Variants in NBAS observed in about 807,000 individuals in gnomAD.
The protein encoded by NBAS is NBAS subunit of NRZ tethering complex, also known as NAG/BC035112 fusion.
In NBAS, 219 loss-of-function variants were observed where a neutral mutation model predicts 302.5. That is an observed-to-expected ratio of 0.72 (90% CI 0.65 to 0.81). The LOEUF is 0.81. NBAS is among the 30% of genes least tolerant of loss of function. The pLI, the probability that NBAS is intolerant of heterozygous loss-of-function variation, is 0.00. For synonymous variants in NBAS, 1,118 were observed against 1,021.6 expected (o/e 1.09, Z -1.80); for missense variants, 2,932 against 2,841.6 (o/e 1.03, Z -0.72).
chr2:15,352,722 G>A (rs1487301128), intron 34 of NBAS, among the ~76,000 whole-genome samples: 1 of 152,120 alleles, frequency 6.6e-6, no homozygotes, highest in Admixed American at 6.5e-5. Context: ...CCGGTGGAAT[G>A]CCCTCACAGG....
rs575817171 is a variant in NBAS, at chr2:15,549,673, A to G, written c.379+1820T>C. On this transcript the variant is annotated intron_variant, in intron 6 of 51. Coordinates refer to ENST00000281513, the MANE Select transcript of NBAS (RefSeq NM_015909.4). ...AGCCCAGGAGGTTGAGTCTGCAGTG[A>G]GCCATGATCATGCCACTGAACTCCA... Among the ~76,000 whole-genome samples the G allele has an allele frequency of 5.7e-4, 86 of 152,102 alleles. No homozygotes were observed. In the South Asian group the frequency reaches 0.017, roughly 31 times the overall value.
intron 26 of NBAS, among the ~76,000 whole-genome samples, chr2:15,398,602 A>G (rs903141304): frequency 1.0e-5 from 1 of 97,966 alleles, no homozygotes; most frequent in African/African-American, 3.5e-5. Flanking sequence ...CAAAAATTTA[A>G]TTAGATTAAA....
the NBAS span, among the ~76,000 whole-genome samples, chr2:15,042,596 A>C: frequency 6.6e-6 from 1 of 152,224 alleles, no homozygotes; most frequent in Non-Finnish European, 1.5e-5. Context: ...ACCCAGACTG[A>C]AACTAGCATA....
rs775601668 is a variant in NBAS at position 15,415,964 on chromosome 2, C to G, written c.2764-245G>C. ...GCAACAATATCACTATGGCTCATCT[C>G]TTTACATCATAAGCAATATGGGGTC... On this transcript the variant is annotated intron_variant, in intron 24 of 51. Transcript: ENST00000281513. Among the ~76,000 whole-genome samples the G allele has an allele frequency of 3.4e-4, 52 of 152,138 alleles. 1 individual carries two copies. Among genetic ancestry groups the G allele is most frequent in the South Asian group, 4.1e-4 (2 of 4,822 alleles).
At chr2:15,122,565 G>A in the NBAS span, among the ~76,000 whole-genome samples, 1 of 152,050 alleles carries the variant, frequency 6.6e-6, no homozygotes, top group South Asian at 2.1e-4. Context: ...ATTTCAACAT[G>A]AGATTTAGAG....
rs182897030 is a variant in NBAS, at chr2:15,238,109, G to A, written c.5943+359C>T. Among the ~76,000 whole-genome samples the A allele has an allele frequency of 2.4e-3, 360 of 152,132 alleles. 1 individual carries two copies. Among genetic ancestry groups the A allele is most frequent in the Non-Finnish European group, 3.5e-3 (237 of 67,998 alleles). ...TTTTATTTGTTAATTCTACCAGCTA[G>A]AAGTAAAGTCTGAGCACCACTGTCT... On this transcript the variant is annotated intron_variant, in intron 45 of 51. Transcript: ENST00000281513.
At chr2:15,054,941 A>G in the NBAS span, among the ~76,000 whole-genome samples, 75,147 of 152,088 alleles carry the variant, frequency 0.49, 20,864 homozygotes, top group African/African-American at 0.77. Context: ...CCTCCTGAGG[A>G]TTCAGAATGT....
Position 15,186,772 on chromosome 2 carries a change from C to T in NBAS, c.6681G>A (p.Leu2227=), listed in dbSNP as rs532734782. 6.2e-7 allele frequency: 1 copy of T among 1,613,808 alleles called. No individual in the cohort carries two copies. The highest frequency in any genetic ancestry group is 2.2e-5 in the East Asian group (1 of 44,824). The change falls in exon 50 of 52, where the codon TTG becomes TTA. Residue 2227 remains leucine, a synonymous_variant. Transcript: ENST00000281513. ...GNEVLKMCRS[L]YNTKQMLPAE... is the part of the protein sequence containing the mutation. ...CAGGCAGCATCTGCTTGGTGTTATA[C>T]AAAGAGCGACACATTTTCAAAACTT...
At chr2:15,295,263 T>G (rs1405112879) in intron 40 of NBAS, among the ~76,000 whole-genome samples, 1 of 152,206 alleles carries the variant, frequency 6.6e-6, no homozygotes, top group Non-Finnish European at 1.5e-5. Context: ...ATGAGCATGG[T>G]TATTGCTACA....
At chr2:15,440,426 C>T (rs7604382) in intron 21 of NBAS, among the ~76,000 whole-genome samples, 91,926 of 152,028 alleles carry the variant, frequency 0.6, 28,790 homozygotes, top group Non-Finnish European at 0.68. Flanking sequence ...TACCAAACTC[C>T]AACAGACCTG....
intron 32 of NBAS, among the ~76,000 whole-genome samples, chr2:15,360,889 AC>A (rs1333249072): frequency 6.6e-6 from 1 of 152,020 alleles, no homozygotes; most frequent in East Asian, 1.9e-4. Flanking sequence ...TTTAAAGTTA[AC>A]TTTTTTCTTT....
intron 41 of NBAS, among the ~76,000 whole-genome samples, chr2:15,291,147 G>A (rs559404103): frequency 6.6e-6 from 1 of 152,332 alleles, no homozygotes; most frequent in African/African-American, 2.4e-5. Flanking sequence ...CACATCCACT[G>A]CTTTTTTGAG....
chr2:15,533,644 T>A (rs1367471198), intron 9 of NBAS, among the ~76,000 whole-genome samples: 1 of 150,964 alleles, frequency 6.6e-6, no homozygotes, highest in Non-Finnish European at 1.5e-5. Context: ...ACGATGGGAT[T>A]GGGGAAGAGC....
At chr2:14,897,463 C>T in the NBAS span, among the ~76,000 whole-genome samples, 1 of 152,206 alleles carries the variant, frequency 6.6e-6, no homozygotes, top group Non-Finnish European at 1.5e-5. Flanking sequence ...CTTCCCCTCT[C>T]CCATATCCAT....
chr2:15,386,059 CAG>C (rs535210807), intron 28 of NBAS, among the ~76,000 whole-genome samples: 110 of 152,114 alleles, frequency 7.2e-4, no homozygotes, highest in African/African-American at 2.6e-3. Flanking sequence ...TCTAAATTAC[CAG>C]AGAGGGCCAC....
At chr2:15,356,163 T>C in intron 33 of NBAS, 140 bp downstream of exon 33, 1 of 718,774 alleles carries the variant, frequency 1.4e-6, no homozygotes, top group Non-Finnish European at 2.6e-6. Context: ...CCTATATACT[T>C]ACCAGTGCTC....
chr2:15,310,300 C>T (rs1671217726), intron 38 of NBAS, among the ~76,000 whole-genome samples: 1 of 152,174 alleles, frequency 6.6e-6, no homozygotes, highest in Admixed American at 6.5e-5. Context: ...ACTGTGTCTT[C>T]CCCACTGTGT....
the NBAS span, among the ~76,000 whole-genome samples, chr2:15,023,472 T>C: frequency 6.6e-6 from 1 of 151,700 alleles, no homozygotes; most frequent in African/African-American, 2.4e-5. Flanking sequence ...ACAAAGTATA[T>C]ATTTGGTTTT....
the NBAS span, among the ~76,000 whole-genome samples, chr2:15,141,771 G>A: frequency 6.6e-6 from 1 of 152,172 alleles, no homozygotes; most frequent in East Asian, 1.9e-4. Flanking sequence ...CAAAACCTGT[G>A]CTTTCTTTAG....
Sources: allele counts gnomAD v4.1 joint callset (sites outside exome capture counted in the v4.1 genomes callset), GRCh38; gene constraint gnomAD v4.1.1; transcripts MANE v1.5; gene names NCBI Gene and HGNC (gene_info 2026-07-23, HGNC 2026-07-21).